Variants in TMEM117 observed in about 807,000 individuals in gnomAD.
TMEM117 encodes transmembrane protein 117.
In TMEM117, 27 loss-of-function variants were observed where a neutral mutation model predicts 52.4. The ratio of observed to expected loss-of-function variants is 0.51; its 90% CI spans 0.38 to 0.71. The LOEUF (loss-of-function observed/expected upper bound fraction) is 0.71, where lower values mean the gene tolerates loss of function less well. Among genes scored for constraint, TMEM117 ranks in the 30% least tolerant of loss-of-function variants. The pLI is 0.00. For synonymous variants in TMEM117, 215 were observed against 206.3 expected (o/e 1.04, Z -0.36); for missense variants, 556 against 630.5 (o/e 0.88, Z 1.26).
chr12:44,181,435 A>G (rs1388421547), intron 4 of TMEM117, among the ~76,000 whole-genome samples: 1 of 151,100 alleles, frequency 6.6e-6, no homozygotes. Context: ...GCCCATGCCT[A>G]TGTCCTGAAT....
intron 5 of TMEM117, among the ~76,000 whole-genome samples, chr12:44,234,122 A>C (rs1195880993): frequency 1.3e-5 from 2 of 151,336 alleles, no homozygotes; most frequent in Admixed American, 1.3e-4. Context: ...TCATAAAATC[A>C]GTTGGGGATT....
intron 3 of TMEM117, among the ~76,000 whole-genome samples, chr12:44,090,934 G>T (rs550712309): frequency 7.1e-6 from 1 of 140,210 alleles, no homozygotes; most frequent in African/African-American, 2.7e-5. Context: ...ACCTCTCTAT[G>T]TTAAGGTATA....
the TMEM117 span, among the ~76,000 whole-genome samples, chr12:43,826,099 A>C: frequency 6.6e-6 from 1 of 152,246 alleles, no homozygotes; most frequent in Non-Finnish European, 1.5e-5. Context: ...CAAGCCAGAA[A>C]TCTACATTTG....
chr12:43,865,678 C>G (rs1304600297), intron 2 of TMEM117, among the ~76,000 whole-genome samples: 2 of 148,782 alleles, frequency 1.3e-5, no homozygotes, highest in African/African-American at 2.5e-5. Context: ...GCCTGGGTGA[C>G]AGAACGAGAC....
chr12:43,915,009 T>C (rs1366504695), intron 2 of TMEM117, among the ~76,000 whole-genome samples: 1 of 152,138 alleles, frequency 6.6e-6, no homozygotes, highest in Non-Finnish European at 1.5e-5. Flanking sequence ...CCCTGAAGCT[T>C]ATACTGTGAG....
chr12:44,042,068 G>A (rs1946807063), intron 3 of TMEM117, among the ~76,000 whole-genome samples: 1 of 152,140 alleles, frequency 6.6e-6, no homozygotes, highest in Non-Finnish European at 1.5e-5. Context: ...TCTCTTACAG[G>A]TGATATGATT....
chr12:44,274,330 C>T (rs1950485814), intron 5 of TMEM117, among the ~76,000 whole-genome samples: 1 of 152,010 alleles, frequency 6.6e-6, no homozygotes. Context: ...GAAAGAGAGT[C>T]CATGTTTATG....
chr12:44,287,810 G>T (rs899105557), intron 5 of TMEM117, among the ~76,000 whole-genome samples: 3 of 152,164 alleles, frequency 2.0e-5, no homozygotes, highest in Non-Finnish European at 4.4e-5. Flanking sequence ...TATAAAATAT[G>T]TGTTATAAGT....
At chr12:44,352,387 T>C (rs1951576290) in intron 6 of TMEM117, among the ~76,000 whole-genome samples, 1 of 152,174 alleles carries the variant, frequency 6.6e-6, no homozygotes, top group African/African-American at 2.4e-5. Context: ...GTTGGTGTGC[T>C]GCACCTATTA....
chr12:44,339,588 T>C (rs1951388829), intron 6 of TMEM117, among the ~76,000 whole-genome samples: 1 of 152,006 alleles, frequency 6.6e-6, no homozygotes, highest in Admixed American at 6.6e-5. Context: ...TATACAGATA[T>C]CACATAGCTT....
At chr12:43,874,200 C>G (rs956716947) in intron 2 of TMEM117, among the ~76,000 whole-genome samples, 2 of 152,076 alleles carry the variant, frequency 1.3e-5, no homozygotes, top group African/African-American at 2.4e-5. Flanking sequence ...AGACATTTAA[C>G]TTTTGCATTA....
At chr12:44,258,664 C>T (rs1415704218) in intron 5 of TMEM117, among the ~76,000 whole-genome samples, 1 of 152,030 alleles carries the variant, frequency 6.6e-6, no homozygotes, top group Non-Finnish European at 1.5e-5. Context: ...TTTTGGAAAG[C>T]TTTTCACAAT....
intron 5 of TMEM117, among the ~76,000 whole-genome samples, chr12:44,259,405 T>G (rs1212544619): frequency 6.6e-6 from 1 of 152,098 alleles, no homozygotes; most frequent in Non-Finnish European, 1.5e-5. Context: ...AGGGACTGAG[T>G]CAGGATTCAA....
At chr12:44,268,078 G>A (rs779116311) in intron 5 of TMEM117, among the ~76,000 whole-genome samples, 18 of 151,718 alleles carry the variant, frequency 1.2e-4, no homozygotes, top group Non-Finnish European at 2.1e-4. Context: ...TTTTATAAAG[G>A]TTATGGGTCT....
chr12:44,087,048 A>G (rs1947583115), intron 3 of TMEM117, among the ~76,000 whole-genome samples: 1 of 148,876 alleles, frequency 6.7e-6, no homozygotes, highest in African/African-American at 2.4e-5. Flanking sequence ...ATTATAAATT[A>G]TAATTTGTAG....
At chr12:43,915,944 C>T (rs924306976) in intron 2 of TMEM117, among the ~76,000 whole-genome samples, 20 of 152,144 alleles carry the variant, frequency 1.3e-4, no homozygotes. Flanking sequence ...CTCCCATCCC[C>T]ACTCTAACAA....
At chr12:43,883,751 G>T (rs1232824236) in intron 2 of TMEM117, among the ~76,000 whole-genome samples, 5 of 139,848 alleles carry the variant, frequency 3.6e-5, no homozygotes, top group Non-Finnish European at 6.0e-5. Context: ...TTCTTTCTTT[G>T]TATGAAAGAC....
At chr12:44,027,081 CCTATT>C (rs1310522356) in intron 3 of TMEM117, among the ~76,000 whole-genome samples, 33 of 88,508 alleles carry the variant, frequency 3.7e-4, no homozygotes, top group South Asian at 1.6e-3. Context: ...CATTTCTTAG[CCTATT>C]TTATTTTATT....
At chr12:44,125,205 C>T (rs942481940) in intron 3 of TMEM117, among the ~76,000 whole-genome samples, 15 of 152,154 alleles carry the variant, frequency 9.9e-5, no homozygotes, top group South Asian at 2.1e-4. Context: ...GCCGGGTTCA[C>T]GCCATTCTCC....
Sources: gnomAD v4.1 joint callset for allele counts (sites outside exome capture counted in the v4.1 genomes callset) on GRCh38, gnomAD v4.1.1 for gene constraint, MANE v1.5 for transcripts, NCBI Gene and HGNC (gene_info 2026-07-23, HGNC 2026-07-21) for gene names.